CCDC171: variants seen among roughly 807,000 people sequenced by gnomAD.
The protein encoded by CCDC171 is coiled-coil domain containing 171, also known as coiled-coil domain-containing protein 171.
A neutral mutation model predicts 168.2 loss-of-function variants in CCDC171; 177 were observed. That is an observed-to-expected ratio of 1.05 (90% CI 0.93 to 1.19). The LOEUF (loss-of-function observed/expected upper bound fraction) is 1.19. Among genes scored for constraint, CCDC171 ranks in the 50% most tolerant of loss-of-function variants. The pLI is 0.00. For synonymous variants in CCDC171, 687 were observed against 540.8 expected, an observed-to-expected ratio of 1.27 and a Z score of -3.75; for missense variants, 1,991 against 1,539.0, an observed-to-expected ratio of 1.29 and a Z score of -4.91.
chr9:15,901,537 C>T (rs768620132), intron 24 of CCDC171, among the ~76,000 whole-genome samples: 2 of 152,064 alleles, frequency 1.3e-5, no homozygotes, highest in Non-Finnish European at 2.9e-5. Context: ...GTAAATATAC[C>T]ATAAAATCTA....
In CCDC171 at chr9:15,817,642, G is replaced by A. The variant is rs1170580310; in HGVS notation, c.3268-29060G>A. 4.2e-5 allele frequency among the ~76,000 whole-genome samples: 5 copies of A among 118,554 alleles called. 2 individuals are homozygous for A. The highest frequency in any genetic ancestry group is 2.8e-4 in the South Asian group (1 of 3,630). The allele number at this position is 118,554 out of a possible 152,430, so 77.8% of individuals were successfully genotyped here. On this transcript the variant is annotated intron_variant, in intron 21 of 25. Coordinates refer to ENST00000380701, the MANE Select transcript of CCDC171 (RefSeq NM_173550.4). ...CAAACTGCGAGGTGGCAGGGAGGCT[G>A]GGGGAGGGGCGCCTGCCATTGCTGA...
intron 6 of CCDC171, among the ~76,000 whole-genome samples, chr9:16,026,400 A>G (rs1383475240): frequency 1.3e-5 from 2 of 152,032 alleles, no homozygotes; most frequent in Non-Finnish European, 2.9e-5. Context: ...GGGGTGGGAG[A>G]TTCACAAGAA....
intron 2 of CCDC171, among the ~76,000 whole-genome samples, chr9:15,566,016 C>A (rs2039698527): frequency 6.6e-6 from 1 of 152,118 alleles, no homozygotes; most frequent in African/African-American, 2.4e-5. Flanking sequence ...CTGACCAATA[C>A]TGGTTTTTAT....
intron 2 of CCDC171, among the ~76,000 whole-genome samples, chr9:15,570,605 G>C (rs956380387): frequency 2.6e-5 from 4 of 152,164 alleles, no homozygotes; most frequent in African/African-American, 9.7e-5. Context: ...GGCATGCTCT[G>C]TAGGGTTATA....
chr9:15,863,916 A>T (rs770195), intron 23 of CCDC171, among the ~76,000 whole-genome samples: 132,052 of 151,938 alleles, frequency 0.87, 57,433 homozygotes, highest in East Asian at 0.99. Flanking sequence ...ATTTAGTGAC[A>T]GATTGTGTAA....
At chr9:15,565,327 C>T (rs2039646160) in intron 2 of CCDC171, among the ~76,000 whole-genome samples, 1 of 151,974 alleles carries the variant, frequency 6.6e-6, no homozygotes, top group Non-Finnish European at 1.5e-5. Flanking sequence ...TTTGGGGAAA[C>T]TTCTTACCAC....
At chr9:15,970,180 C>T (rs1425374701) in intron 25 of CCDC171, among the ~76,000 whole-genome samples, 3 of 151,984 alleles carry the variant, frequency 2.0e-5, no homozygotes, top group African/African-American at 7.2e-5. Context: ...GTGTTAGATG[C>T]AGATATTGAT....
chr9:16,024,263 A>G (rs1833232553), intron 6 of CCDC171, among the ~76,000 whole-genome samples: 1 of 152,190 alleles, frequency 6.6e-6, no homozygotes, highest in African/African-American at 2.4e-5. Context: ...AACTTACAGT[A>G]ATTTGTTACA....
At chr9:15,779,200 TTATCTC>T (rs750303379) in intron 20 of CCDC171, 50 bp downstream of exon 20, 3 of 1,087,522 alleles carry the variant, frequency 2.8e-6, no homozygotes, top group South Asian at 2.9e-5. Context: ...ATATATTTCT[TTATCTC>T]TATATCCTTT....
intron 4 of CCDC171, among the ~76,000 whole-genome samples, chr9:15,580,182 C>G (rs1419392826): frequency 3.3e-5 from 5 of 152,140 alleles, no homozygotes; most frequent in Admixed American, 2.0e-4. Flanking sequence ...AAGAGTGAAG[C>G]TGGATCTTTA....
At chr9:16,029,256 A>T (rs1833327921) in intron 6 of CCDC171, among the ~76,000 whole-genome samples, 1 of 152,118 alleles carries the variant, frequency 6.6e-6, no homozygotes, top group Non-Finnish European at 1.5e-5. Context: ...CATGCATAAT[A>T]CATTTTAAAA....
intron 18 of CCDC171, among the ~76,000 whole-genome samples, chr9:15,764,389 G>T (rs979734366): frequency 6.6e-6 from 1 of 152,210 alleles, no homozygotes; most frequent in East Asian, 1.9e-4. Context: ...AACAATGGTA[G>T]CTTGGAATAG....
chr9:15,640,048 C>T (rs915940586), intron 7 of CCDC171, among the ~76,000 whole-genome samples: 8 of 152,092 alleles, frequency 5.3e-5, no homozygotes, highest in African/African-American at 1.7e-4. Flanking sequence ...TATAAATGTT[C>T]CATTCTGCTT....
intron 18 of CCDC171, among the ~76,000 whole-genome samples, chr9:15,764,404 A>G (rs2056613598): frequency 3.3e-5 from 5 of 152,204 alleles, no homozygotes; most frequent in Admixed American, 3.3e-4. Context: ...GAATAGTATA[A>G]CATCATTGGA....
chr9:15,559,846 G>T (rs890847015), intron 1 of CCDC171, among the ~76,000 whole-genome samples: 1 of 152,134 alleles, frequency 6.6e-6, no homozygotes, highest in Non-Finnish European at 1.5e-5. Flanking sequence ...TTACAATTTG[G>T]CATGTTTTTG....
At position 15,939,542 on chromosome 9, in the gene CCDC171, A is replaced by G. The variant is rs116591310; in HGVS notation, c.3753+19120A>G. ...CCATTTCAATAACAAAAGTGCATGA[A>G]AAAGTATAGGGTAGTTATTTATTAG... On this transcript the variant is annotated intron_variant, in intron 25 of 25. Transcript: ENST00000380701. 7.4e-3 allele frequency among the ~76,000 whole-genome samples: 1,128 copies of G among 151,996 alleles called. 10 individuals carry two copies. Among genetic ancestry groups the G allele is most frequent in the African/African-American group, 0.026 (1,085 of 41,532 alleles).
chr9:15,686,437 C>A (rs2050398660), intron 10 of CCDC171, among the ~76,000 whole-genome samples: 1 of 151,816 alleles, frequency 6.6e-6, no homozygotes, highest in African/African-American at 2.4e-5. Context: ...ATGGCGTGAA[C>A]CCGGGAGGCA....
At chr9:15,588,173 T>C (rs1033822531) in intron 4 of CCDC171, among the ~76,000 whole-genome samples, 18 of 152,114 alleles carry the variant, frequency 1.2e-4, no homozygotes, top group Non-Finnish European at 2.2e-4. Flanking sequence ...CGGCAGAGGT[T>C]GCAGTGAGCC....
At chr9:15,642,343 G>GTGCATA (rs1369419679) in intron 7 of CCDC171, among the ~76,000 whole-genome samples, 2 of 107,570 alleles carry the variant, frequency 1.9e-5, no homozygotes, top group Non-Finnish European at 3.6e-5. Flanking sequence ...GTGTGTGTGT[G>GTGCATA]TATATATATA....
Sources: gnomAD v4.1 joint callset for allele counts (sites outside exome capture counted in the v4.1 genomes callset) on GRCh38, gnomAD v4.1.1 for gene constraint, MANE v1.5 for transcripts, NCBI Gene and HGNC (gene_info 2026-07-23, HGNC 2026-07-21) for gene names.